The following GALNT6 variants were observed in gnomAD, a reference collection of about 807,000 sequenced individuals.
GALNT6 encodes the protein GalNAc transferase 6.
A neutral mutation model predicts 65.9 loss-of-function variants in GALNT6; 51 were observed. The ratio of observed to expected loss-of-function variants is 0.77; its 90% CI spans 0.62 to 0.98. The LOEUF is 0.98. Ranked by LOEUF, GALNT6 falls within the 50% of genes least tolerant of loss-of-function variation. The probability of loss-of-function intolerance (pLI) is 0.00; values close to 1 mark genes in which losing one functional copy is unlikely to be tolerated. For synonymous variants in GALNT6, 323 were observed against 315.1 expected, an observed-to-expected ratio of 1.02 and a Z score of -0.26; for missense variants, 708 against 803.3, an observed-to-expected ratio of 0.88 and a Z score of 1.43.
rs755164319 is a variant in GALNT6 at position 51,379,438 on chromosome 12, GC to G, written c.343del (p.Ala115GlnfsTer67). On this transcript the variant is annotated frameshift_variant, in exon 3 of 12. Coordinates refer to ENST00000356317, the MANE Select transcript of GALNT6 (RefSeq NM_007210.4). LOFTEE classifies it high-confidence loss of function. Reference protein sequence around the residue: ...RPPQDPNAPGADGKAFQKSKW... With the variant: ...RPPQDPNAPGXDGKAFQKSKW... ...GCTCTTCTGAAATGCTTTTCCATCT[GC>G]CCCAGGGGCATTGGGGTCCTGTGGT... is the stretch of plus-strand genomic sequence containing the variant. The G allele has an allele frequency of 1.9e-6, 3 of 1,613,630 alleles. No individual in the cohort carries two copies. Among genetic ancestry groups the G allele is most frequent in the Non-Finnish European group, 2.5e-6 (3 of 1,179,736 alleles).
intron 9 of GALNT6, 22 bp from the exon 10 acceptor site, chr12:51,357,472 G>A (rs1946784936): frequency 1.3e-6 from 2 of 1,566,268 alleles, no homozygotes; most frequent in Admixed American, 1.7e-5. Flanking sequence ...TGAGCAGAGA[G>A]GGGAAGCAGG....
chr12:51,362,853 GTTT>G lies in GALNT6; in HGVS notation c.1049+1265_1049+1267del, dbSNP rs34972366. ...TCCTTTCTACTGGGACTCTGAGCAG[GTTT>G]TTTTTTTTTTCTTTTTCTTTTTTAA... On this transcript the variant is annotated intron_variant, in intron 6 of 11. Transcript: ENST00000356317. Among the ~76,000 whole-genome samples the G allele has an allele frequency of 2.1e-3, 307 of 147,786 alleles. 1 individual carries two copies. Among genetic ancestry groups the G allele is most frequent in the African/African-American group, 7.3e-3 (293 of 40,192 alleles).
chr12:51,379,242 C>A (rs747326002), intron 3 of GALNT6, 49 bp downstream of exon 3: 1 of 1,508,346 alleles, frequency 6.6e-7, no homozygotes, highest in Non-Finnish European at 8.9e-7. Context: ...ACTAGCCATG[C>A]CTTTAGCAAA....
Position 51,387,496 on chromosome 12 carries a change from G to A in GALNT6, c.-104+3354C>T, listed in dbSNP as rs942123287. Among the ~76,000 whole-genome samples, 2 of 152,164 alleles carry A rather than the reference G, an allele frequency of 1.3e-5. No individual in the cohort carries two copies. The highest frequency in any genetic ancestry group is 4.8e-5 in the African/African-American group (2 of 41,426). On this transcript the variant is annotated intron_variant, in intron 2 of 11. Coordinates refer to ENST00000356317, the MANE Select transcript of GALNT6 (RefSeq NM_007210.4). This position sits in a 1 kb window ranked among gnomAD's most constrained non-coding sequence, Gnocchi z 4.2. ...CTCACCACTGTATACCTAGAGCAGCGCTTGGCATGTGGTAGGCACTTGGTT... is the reference window on the plus strand; with the variant it reads ...CTCACCACTGTATACCTAGAGCAGCACTTGGCATGTGGTAGGCACTTGGTT...
intron 4 of GALNT6, among the ~76,000 whole-genome samples, chr12:51,369,415 G>A (rs1947217897): frequency 6.6e-6 from 1 of 152,102 alleles, no homozygotes; most frequent in Non-Finnish European, 1.5e-5. Flanking sequence ...GACTGGAGCT[G>A]AGCATAGCTG....
intron 11 of GALNT6, 122 bp downstream of exon 11, chr12:51,355,684 G>A (rs926973836): frequency 3.9e-5 from 31 of 796,710 alleles, no homozygotes; most frequent in Middle Eastern, 8.2e-4. Flanking sequence ...TGGCCAGGTG[G>A]TCTCGAACTC....
intron 2 of GALNT6, chr12:51,383,686 A>G (rs938404495): frequency 6.6e-6 from 1 of 152,168 alleles, no homozygotes; most frequent in African/African-American, 2.4e-5. Context: ...ACAGTTCCTC[A>G]AGGTACTAAC....
intron 2 of GALNT6, among the ~76,000 whole-genome samples, chr12:51,386,740 A>G (rs886480535): frequency 6.6e-6 from 1 of 152,122 alleles, no homozygotes; most frequent in Non-Finnish European, 1.5e-5. Flanking sequence ...TTAATTTCAC[A>G]CTACTGTTGG....
intron 4 of GALNT6, among the ~76,000 whole-genome samples, chr12:51,372,287 C>A (rs182337114): frequency 6.6e-6 from 1 of 152,296 alleles, no homozygotes. Flanking sequence ...GGGCTCACTG[C>A]AACCTTGACC....
chr12:51,388,592 A>G (rs1260585603), intron 2 of GALNT6, among the ~76,000 whole-genome samples: 1 of 152,068 alleles, frequency 6.6e-6, no homozygotes, highest in African/African-American at 2.4e-5. Flanking sequence ...TTTGTTCCCA[A>G]GTTTCTCTAC....
rs371995979 is a variant in GALNT6, at chr12:51,379,726, G to T, written c.56C>A (p.Ala19Asp). The stretch of plus-strand genomic sequence containing the variant: ...CAGGAGGAAGAGGAAGAGCACAAAG[G>T]CGCAGCCCACCATGGCCAGGCGCAG... ...MPLRLAMVGCAFVLFLFLLHR... is the reference protein window; with the variant it reads ...MPLRLAMVGCDFVLFLFLLHR... Residue 19 changes from alanine (A) to aspartate (D), a missense_variant, in exon 3 of 12, where the codon GCC (alanine) becomes GAC (aspartate). Physicochemically the swap from Ala to Asp is moderately radical, Grantham distance 126. Coordinates refer to ENST00000356317, the MANE Select transcript of GALNT6 (RefSeq NM_007210.4). 1.7e-5 allele frequency: 27 copies of T among 1,613,442 alleles called. No homozygotes were observed. The highest frequency in any genetic ancestry group is 2.2e-5 in the Non-Finnish European group (26 of 1,179,972).
At position 51,371,663 on chromosome 12, in the gene GALNT6, C is replaced by A. The variant is rs1004591486; in HGVS notation, c.664+5532G>T. Among the ~76,000 whole-genome samples, 33 of 152,084 alleles carry A rather than the reference C, an allele frequency of 2.2e-4. 1 individual carries two copies. Among genetic ancestry groups the A allele is most frequent in the African/African-American group, 8.0e-4 (33 of 41,406 alleles). ...ACAGGGAGGGAACCCTGGCTGCTGA[C>A]CTAGCCACTCAGGAATGAGGTCTGT... On this transcript the variant is annotated intron_variant, in intron 4 of 11. Transcript: ENST00000356317.
intron 10 of GALNT6, among the ~76,000 whole-genome samples, chr12:51,356,869 C>G (rs1946764495): frequency 1.3e-5 from 2 of 152,184 alleles, no homozygotes; most frequent in African/African-American, 4.8e-5. Flanking sequence ...CCTACATATG[C>G]CAGCGGGCTT....
chr12:51,390,167 T>C (rs1285401654), intron 2 of GALNT6, among the ~76,000 whole-genome samples: 14 of 134,364 alleles, frequency 1.0e-4, no homozygotes, highest in African/African-American at 1.6e-4. Context: ...TTTTTTTTTT[T>C]TTTTTTTTTT....
At chr12:51,356,243 G>A (rs1946741840) in intron 10 of GALNT6, among the ~76,000 whole-genome samples, 1 of 150,348 alleles carries the variant, frequency 6.7e-6, no homozygotes, top group South Asian at 2.1e-4. Flanking sequence ...GTCTTGCTAT[G>A]TTGCCCAAGC....
intron 2 of GALNT6, among the ~76,000 whole-genome samples, chr12:51,382,892 C>T (rs1177830529): frequency 6.6e-6 from 1 of 152,082 alleles, no homozygotes; most frequent in Non-Finnish European, 1.5e-5. Flanking sequence ...CAGAGGGACA[C>T]AAAGGCTCAA....
rs1453905668 is a variant in GALNT6 at position 51,357,380 on chromosome 12, A to C, written c.1571T>G (p.Met524Arg). 6.2e-7 allele frequency: 1 copy of C among 1,613,872 alleles called. No individual in the cohort carries two copies. The highest frequency in any genetic ancestry group is 2.2e-5 in the East Asian group (1 of 44,862). The change falls in exon 10 of 12, where the codon ATG becomes AGG. Residue 524 changes from methionine to arginine, a missense_variant. By Grantham distance (91) the Met-to-Arg change is moderately conservative. Coordinates refer to ENST00000356317, the MANE Select transcript of GALNT6 (RefSeq NM_007210.4). Reference sequence around the variant, plus strand: ...GCCGCCAAGGCCGTGGCAGGAGTACATGATGAGGGGCTTCCCCCCGCGGTT... The same window carrying C: ...GCCGCCAAGGCCGTGGCAGGAGTACCTGATGAGGGGCTTCCCCCCGCGGTT... ...ENNRGGKPLI[M>R]YSCHGLGGNQ...
intron 2 of GALNT6, among the ~76,000 whole-genome samples, chr12:51,386,636 C>T (rs755250624): frequency 6.6e-6 from 1 of 152,116 alleles, no homozygotes; most frequent in Non-Finnish European, 1.5e-5. Flanking sequence ...GAGGAGGGCT[C>T]AATTACAAGT....
At chr12:51,388,412 AC>A in intron 2 of GALNT6, among the ~76,000 whole-genome samples, 1 of 152,252 alleles carries the variant, frequency 6.6e-6, no homozygotes. Context: ...CTCAAGCCCA[AC>A]CAGATGCTTG....
Sources: allele counts gnomAD v4.1 joint callset (sites outside exome capture counted in the v4.1 genomes callset), GRCh38; gene constraint gnomAD v4.1.1; non-coding constraint Gnocchi (gnomAD v3.1); transcripts MANE v1.5; gene names NCBI Gene and HGNC (gene_info 2026-07-23, HGNC 2026-07-21).